Variants in TVP23A observed in about 807,000 individuals in gnomAD.
TVP23A encodes the protein trans-golgi network vesicle protein 23 homolog A.
In TVP23A, 21 loss-of-function variants were observed where a neutral mutation model predicts 31.7. The observed-to-expected ratio is 0.66, with a 90% confidence interval of 0.47 to 0.95. TVP23A has a LOEUF of 0.95. Ranked by LOEUF, TVP23A falls within the 40% of genes least tolerant of loss-of-function variation. The pLI is 0.00. For synonymous variants in TVP23A, 104 were observed against 96.0 expected, an observed-to-expected ratio of 1.08 and a Z score of -0.49; for missense variants, 279 against 255.6, an observed-to-expected ratio of 1.09 and a Z score of -0.62.
rs1435112304 is a variant in TVP23A at position 10,818,744 on chromosome 16, G to C, written c.-251C>G. On this transcript the variant is annotated 5_prime_UTR_variant, in exon 1 of 8. Transcript: ENST00000299866. The surrounding 1 kb of genome is among the most constrained non-coding windows in gnomAD (Gnocchi z 4.7). ...GGACGCGCCCAGGAGAGAAAGCGGC[G>C]GCAGGGAGGCAACGGCCTGGGGAAC... 2.0e-6 allele frequency: 1 copy of C among 492,902 alleles called. No homozygotes were observed. The highest frequency in any genetic ancestry group is 3.5e-6 in the Non-Finnish European group (1 of 284,172). 30.5% of individuals were successfully genotyped at this position (492,902 alleles called of 1,614,324 possible).
At chr16:10,769,892 A>G (rs1382061001) in intron 7 of TVP23A, among the ~76,000 whole-genome samples, 3 of 152,152 alleles carry the variant, frequency 2.0e-5, no homozygotes, top group Non-Finnish European at 4.4e-5. Flanking sequence ...GTGGGAGAAG[A>G]GTAAATTCCT....
At chr16:10,813,107 G>C (rs908308117) in intron 2 of TVP23A, among the ~76,000 whole-genome samples, 1 of 152,292 alleles carries the variant, frequency 6.6e-6, no homozygotes, top group African/African-American at 2.4e-5. Flanking sequence ...GCAGAGACCA[G>C]AGCTCCATCC....
chr16:10,785,175 C>T (rs896901923), intron 2 of TVP23A, among the ~76,000 whole-genome samples: 11 of 151,334 alleles, frequency 7.3e-5, no homozygotes, highest in Non-Finnish European at 1.5e-4. Flanking sequence ...GAGGCCAAGG[C>T]GGGTGGATCA....
Position 10,814,306 on chromosome 16 carries a change from G to C in TVP23A, c.89+3797C>G, listed in dbSNP as rs75850646. 2.1e-3 allele frequency among the ~76,000 whole-genome samples: 319 copies of C among 152,180 alleles called. 2 individuals carry two copies. Among genetic ancestry groups the C allele is most frequent in the African/African-American group, 7.6e-3 (314 of 41,498 alleles). The stretch of plus-strand genomic sequence containing the variant: ...CTGATTGCAGCCCTGGTGACTTCTC[G>C]AGCTCCTGGCCTCTCCTCCCAGCTG... On this transcript the variant is annotated intron_variant, in intron 2 of 7. Coordinates refer to ENST00000299866, the MANE Select transcript of TVP23A (RefSeq NM_001079512.4).
chr16:10,774,764 C>T (rs531361359), intron 3 of TVP23A, among the ~76,000 whole-genome samples, 188 bp downstream of exon 3: 1 of 152,258 alleles, frequency 6.6e-6, no homozygotes, highest in South Asian at 2.1e-4. Context: ...GCACACACCA[C>T]CGCGCCAGGC....
At chr16:10,802,101 T>TACACACAC (rs146939902) in intron 2 of TVP23A, among the ~76,000 whole-genome samples, 35 of 147,986 alleles carry the variant, frequency 2.4e-4, no homozygotes, top group African/African-American at 8.6e-4. Context: ...CAAATACACA[T>TACACACAC]ACACACACAC....
At chr16:10,762,039 C>T, downstream of TVP23A, 6 of 550,184 alleles carry the variant, frequency 1.1e-5, no homozygotes, top group South Asian at 9.4e-5. Flanking sequence ...GAGGCCGAGA[C>T]CCCTGCGGGC....
downstream of TVP23A, among the ~76,000 whole-genome samples, chr16:10,764,346 G>A (rs1002162283): frequency 4.6e-5 from 7 of 152,066 alleles, no homozygotes; most frequent in African/African-American, 1.4e-4. Flanking sequence ...GCAGTCTATT[G>A]GAGCATCTCA....
chr16:10,779,416 T>C lies in TVP23A; in HGVS notation c.90-4320A>G, dbSNP rs2032283248. ...AAGTCCTGTCCACTCGTCTCTGCCATCGGGTCCTCCATCCTCCTGCTCCCC... is the reference window on the plus strand; with the variant it reads ...AAGTCCTGTCCACTCGTCTCTGCCACCGGGTCCTCCATCCTCCTGCTCCCC... On this transcript the variant is annotated intron_variant, in intron 2 of 7. Coordinates refer to ENST00000299866, the MANE Select transcript of TVP23A (RefSeq NM_001079512.4). The surrounding 1 kb of genome is among the most constrained non-coding windows in gnomAD (Gnocchi z 4.9). Among the ~76,000 whole-genome samples the C allele has an allele frequency of 6.6e-6, 1 of 152,110 alleles. No homozygotes were observed. Among genetic ancestry groups the C allele is most frequent in the South Asian group, 2.1e-4 (1 of 4,820 alleles).
chr16:10,771,871 T>A, intron 5 of TVP23A, 73 bp from the exon 6 acceptor site: 1 of 1,523,126 alleles, frequency 6.6e-7, no homozygotes. Context: ...CAGGCTGGGG[T>A]GCAGAGGCAC....
At chr16:10,797,621 C>T (rs1053845404) in intron 2 of TVP23A, among the ~76,000 whole-genome samples, 2 of 151,674 alleles carry the variant, frequency 1.3e-5, no homozygotes, top group Non-Finnish European at 2.9e-5. Context: ...ATCTCAACTA[C>T]TTGGGAGACT....
At chr16:10,778,326 G>A (rs540029687) in intron 2 of TVP23A, among the ~76,000 whole-genome samples, 38 of 11,200 alleles carry the variant, frequency 3.4e-3, no homozygotes, top group South Asian at 0.031. Context: ...AGAGCAAATC[G>A]CTGTCTCGAA....
chr16:10,782,127 G>C (rs1164389824), intron 2 of TVP23A, among the ~76,000 whole-genome samples: 1 of 152,054 alleles, frequency 6.6e-6, no homozygotes, highest in Non-Finnish European at 1.5e-5. Flanking sequence ...CTCCCAAAGT[G>C]CCAGGATTAT....
chr16:10,802,011 A>T (rs2033716302), intron 2 of TVP23A, among the ~76,000 whole-genome samples: 1 of 151,982 alleles, frequency 6.6e-6, no homozygotes, highest in Non-Finnish European at 1.5e-5. Flanking sequence ...AAAATAAAAA[A>T]TAAATTTAAA....
intron 2 of TVP23A, among the ~76,000 whole-genome samples, chr16:10,804,359 G>A (rs2033845910): frequency 6.6e-6 from 1 of 152,218 alleles, no homozygotes; most frequent in Non-Finnish European, 1.5e-5. Context: ...GGCAAAGCTG[G>A]GAAATCAGTC....
At chr16:10,788,865 G>A (rs1190363182) in intron 2 of TVP23A, among the ~76,000 whole-genome samples, 5 of 152,206 alleles carry the variant, frequency 3.3e-5, no homozygotes, top group African/African-American at 1.2e-4. Flanking sequence ...TCAAAGGAGT[G>A]TCCTTCTCCT....
Position 10,818,436 on chromosome 16 carries a change from C to T in TVP23A, c.9+49G>A, listed in dbSNP as rs1266045398. 1.3e-6 allele frequency: 2 copies of T among 1,591,838 alleles called. No individual in the cohort carries two copies. The highest frequency in any genetic ancestry group is 1.1e-5 in the South Asian group (1 of 88,144). ...CCGGCTTCTCCAGCGCTCCCGCAGG[C>T]TCCCCTCGTCCCGCCCCGCCTCCAG... On this transcript the variant is annotated intron_variant, in intron 1 of 7. Coordinates refer to ENST00000299866, the MANE Select transcript of TVP23A (RefSeq NM_001079512.4). The surrounding 1 kb of genome is among the most constrained non-coding windows in gnomAD (Gnocchi z 4.7).
chr16:10,801,121 G>A lies in TVP23A; in HGVS notation c.89+16982C>T, dbSNP rs751894039. 3.3e-5 allele frequency among the ~76,000 whole-genome samples: 5 copies of A among 152,224 alleles called. No homozygotes were observed. The East Asian group carries it at 9.6e-4, about 29-fold the overall frequency. ...CTTTCTAAGGAGTCCTGGGTTCTTTGAGTGGCAAAGAGAATGAAAGACCAA... is the reference window on the plus strand; with the variant it reads ...CTTTCTAAGGAGTCCTGGGTTCTTTAAGTGGCAAAGAGAATGAAAGACCAA... On this transcript the variant is annotated intron_variant, in intron 2 of 7. Coordinates refer to ENST00000299866, the MANE Select transcript of TVP23A (RefSeq NM_001079512.4).
At chr16:10,793,090 A>C (rs1209073232) in intron 2 of TVP23A, among the ~76,000 whole-genome samples, 1 of 152,126 alleles carries the variant, frequency 6.6e-6, no homozygotes. Flanking sequence ...GGAGTTAAAG[A>C]CCAACCTGGG....
Sources: gnomAD v4.1 joint callset for allele counts (sites outside exome capture counted in the v4.1 genomes callset) on GRCh38, gnomAD v4.1.1 for gene constraint, Gnocchi (gnomAD v3.1) non-coding constraint, MANE v1.5 for transcripts, NCBI Gene and HGNC (gene_info 2026-07-23, HGNC 2026-07-21) for gene names.